GABRA3: variants seen among roughly 807,000 people sequenced by gnomAD.
The protein encoded by GABRA3 is gamma-aminobutyric acid type A receptor subunit alpha3, also known as gamma-aminobutyric acid receptor subunit alpha-3.
GABRA3 carries 10 observed loss-of-function variants against 30.1 expected under a neutral mutation model. The observed-to-expected ratio is 0.33, with a 90% CI of 0.20 to 0.56. The LOEUF is 0.56. Among genes scored for constraint, GABRA3 ranks in the 20% least tolerant of loss-of-function variants. The pLI is 0.89. For missense variants in GABRA3, 233 were observed against 392.0 expected (o/e 0.59, Z 3.42); for synonymous variants, 151 against 146.8 (o/e 1.03, Z -0.21).
At chrX:152,311,066 TA>T (rs1407045252) in intron 3 of GABRA3, among the ~76,000 whole-genome samples, 4 of 110,947 alleles carry the variant, frequency 3.6e-5, no homozygotes, top group Non-Finnish European at 7.6e-5. Context: ...CAATTAATAA[TA>T]AAATACCTAC....
chrX:152,262,727 CT>C (rs2124419408), intron 4 of GABRA3, among the ~76,000 whole-genome samples: 1 of 111,980 alleles, frequency 8.9e-6, no homozygotes, highest in Admixed American at 9.5e-5. Context: ...AAGTTCCAAA[CT>C]TTCCCACATT....
At chrX:152,424,157 C>T (rs1253093906) in intron 1 of GABRA3, among the ~76,000 whole-genome samples, 1 of 110,671 alleles carries the variant, frequency 9.0e-6, no homozygotes, top group African/African-American at 3.3e-5. Flanking sequence ...ATCAAATAAT[C>T]TTCCATCATT....
intron 4 of GABRA3, among the ~76,000 whole-genome samples, chrX:152,275,471 A>AATATAAAATATATATTTACATATTTATTT (rs1556774664): frequency 6.7e-4 from 71 of 106,338 alleles, no homozygotes; most frequent in African/African-American, 1.0e-3. Flanking sequence ...TATCAAATAA[A>AATATAAAATATATATTTACATATTTATTT]TAGAGCTGGC....
intron 1 of GABRA3, among the ~76,000 whole-genome samples, chrX:152,447,869 G>A (rs73639090): frequency 0.073 from 8,126 of 111,410 alleles, 550 homozygotes; most frequent in African/African-American, 0.22. Context: ...TCAAAATGTA[G>A]CCCGCCAAAT....
chrX:152,388,234 C>T (rs1387476796), intron 1 of GABRA3, among the ~76,000 whole-genome samples: 1 of 110,795 alleles, frequency 9.0e-6, no homozygotes, highest in Non-Finnish European at 1.9e-5. Flanking sequence ...TGTCCAATGT[C>T]GTAATACAAT....
At chrX:152,388,008 A>G (rs960587399) in intron 1 of GABRA3, among the ~76,000 whole-genome samples, 1 of 112,215 alleles carries the variant, frequency 8.9e-6, no homozygotes, top group African/African-American at 3.2e-5. Flanking sequence ...GCAATATAAC[A>G]GTATATTAGT....
intron 9 of GABRA3, among the ~76,000 whole-genome samples, chrX:152,171,165 C>T (rs773654961): frequency 3.9e-4 from 43 of 111,603 alleles, no homozygotes; most frequent in Non-Finnish European, 7.2e-4. Flanking sequence ...GAAAATATTG[C>T]CCTGACTTTT....
At chrX:152,410,548 A>ACC (rs1447233442) in intron 1 of GABRA3, among the ~76,000 whole-genome samples, 2 of 111,326 alleles carry the variant, frequency 1.8e-5, no homozygotes, top group Non-Finnish European at 3.8e-5. Context: ...AAAAACAAAA[A>ACC]CATCACATAT....
At chrX:152,226,203 G>A (rs983993260) in intron 5 of GABRA3, among the ~76,000 whole-genome samples, 1 of 111,451 alleles carries the variant, frequency 9.0e-6, no homozygotes, top group Non-Finnish European at 1.9e-5. Context: ...GAAAATATCC[G>A]CAGGCTATTG....
At chrX:152,250,942 G>A (rs1170656349) in intron 5 of GABRA3, 1 of 188,498 alleles carries the variant, frequency 5.3e-6, no homozygotes, top group Non-Finnish European at 1.1e-5. Context: ...CTTTTCATAT[G>A]CCTGCAAGAC....
intron 3 of GABRA3, among the ~76,000 whole-genome samples, chrX:152,285,573 T>C (rs1040353920): frequency 1.8e-5 from 2 of 111,793 alleles, no homozygotes; most frequent in Non-Finnish European, 3.8e-5. Context: ...CACCACATAT[T>C]TGCCAAATTG....
chrX:152,378,553 C>A (rs970281356), intron 1 of GABRA3, among the ~76,000 whole-genome samples: 4 of 110,143 alleles, frequency 3.6e-5, no homozygotes, highest in Non-Finnish European at 5.7e-5. Flanking sequence ...AGCTATCGAT[C>A]CAAATATAAA....
rs193258702 is a variant in GABRA3 at position 152,392,593 on chromosome X, G to A, written c.-26-27997C>T. ...TTATGAGAAAATAATCATAAGTGGA[G>A]ACCTCATAGATGGATATAGTACAAG... is the stretch of plus-strand genomic sequence containing the variant. On this transcript the variant is annotated intron_variant, in intron 1 of 9. Coordinates refer to ENST00000370314, the MANE Select transcript of GABRA3 (RefSeq NM_000808.4). Among the ~76,000 whole-genome samples, 5 of 111,470 alleles carry A rather than the reference G, an allele frequency of 4.5e-5. No homozygotes were observed. In the East Asian group the frequency reaches 8.5e-4, roughly 19 times the overall value.
intron 5 of GABRA3, among the ~76,000 whole-genome samples, chrX:152,230,079 AAAG>A (rs1254236331): frequency 1.8e-5 from 2 of 111,719 alleles, no homozygotes; most frequent in East Asian, 5.7e-4. Flanking sequence ...TTAGCCAGTC[AAAG>A]AAGAAAAGAA....
chrX:152,206,847 G>A (rs1411900429), intron 7 of GABRA3, among the ~76,000 whole-genome samples: 3 of 111,574 alleles, frequency 2.7e-5, no homozygotes, highest in Non-Finnish European at 3.8e-5. Context: ...TGGTCCAGCC[G>A]GAGGCCTGCC....
intron 3 of GABRA3, among the ~76,000 whole-genome samples, chrX:152,311,521 T>A (rs1231987662): frequency 9.0e-6 from 1 of 111,713 alleles, no homozygotes; most frequent in East Asian, 2.8e-4. Flanking sequence ...TGTTAAAACC[T>A]CAACAAACTA....
intron 9 of GABRA3, among the ~76,000 whole-genome samples, chrX:152,183,121 T>C (rs747819022): frequency 2.0e-4 from 22 of 109,363 alleles, no homozygotes; most frequent in Non-Finnish European, 4.0e-4. Flanking sequence ...TTGGAAGAAT[T>C]TGAGAATGAT....
At chrX:152,447,822 CTTAAA>C (rs1218043804) in intron 1 of GABRA3, among the ~76,000 whole-genome samples, 1 of 111,769 alleles carries the variant, frequency 8.9e-6, no homozygotes, top group Non-Finnish European at 1.9e-5. Flanking sequence ...ATTTGGGCCT[CTTAAA>C]TTAGATGGGC....
intron 7 of GABRA3, among the ~76,000 whole-genome samples, chrX:152,205,617 G>A (rs1208735863): frequency 9.0e-6 from 1 of 111,714 alleles, no homozygotes; most frequent in Non-Finnish European, 1.9e-5. Context: ...CTGACAGGAA[G>A]GCTTTTCACT....
Sources: allele counts gnomAD v4.1 joint callset (sites outside exome capture counted in the v4.1 genomes callset), GRCh38; gene constraint gnomAD v4.1.1; transcripts MANE v1.5; gene names NCBI Gene and HGNC (gene_info 2026-07-23, HGNC 2026-07-21).